Variants in PLCG1 observed in about 807,000 individuals in gnomAD.
The protein encoded by PLCG1 is 1-phosphatidylinositol 4,5-bisphosphate phosphodiesterase gamma-1.
A neutral mutation model predicts 177.8 loss-of-function variants in PLCG1; 71 were observed. That is an observed-to-expected ratio of 0.40 (90% CI 0.33 to 0.49). The LOEUF is 0.49. Among genes scored for constraint, PLCG1 ranks in the 20% least tolerant of loss-of-function variants. PLCG1 has a pLI of 0.72. For missense variants in PLCG1, 1,281 were observed against 1,709.0 expected (o/e 0.75, Z 4.42); for synonymous variants, 658 against 647.9 (o/e 1.02, Z -0.24).
rs1052120809 is a variant in PLCG1 at position 41,167,707 on chromosome 20, C to T, written c.2302-145C>T. 2.5e-5 allele frequency: 16 copies of T among 640,656 alleles called. No individual in the cohort carries two copies. The highest frequency in any genetic ancestry group is 5.1e-5 in the Admixed American group (2 of 39,332). The allele number at this position is 640,656 out of a possible 1,614,324, so 39.7% of individuals were successfully genotyped here. ...AGGCCGGGCCTGAGGCCTCTGAAGC[C>T]GTCTCTACTGAGGTCGAAGGATCCC... On this transcript the variant is annotated intron_variant, in intron 19 of 31. Coordinates refer to ENST00000685551, the MANE Select transcript of PLCG1 (RefSeq NM_002660.3). This position sits in a 1 kb window ranked among gnomAD's most constrained non-coding sequence, Gnocchi z 4.4.
At chr20:41,168,033 T>A in intron 20 of PLCG1, 104 bp downstream of exon 20, 1 of 834,962 alleles carries the variant, frequency 1.2e-6, no homozygotes, top group Non-Finnish European at 2.0e-6. Flanking sequence ...GGAGAAGTGG[T>A]GGTTGTGGTT....
Position 41,172,425 on chromosome 20 carries a change from T to C in PLCG1, c.2910T>C (p.Ile970=). Residue 970 remains isoleucine, a synonymous_variant, in exon 26 of 32, where the codon ATT becomes ATC. Transcript: ENST00000685551. The surrounding 1 kb of genome is among the most constrained non-coding windows in gnomAD (Gnocchi z 7.0). ...CRPVPFDEEK[I]GTERACYRDM... is the part of the protein sequence containing the mutation. ...TGTTTTCCCTGTTTGGCCCAGAGATTGGCACAGAACGTGCTTGCTACCGGG... is the reference window on the plus strand; with the variant it reads ...TGTTTTCCCTGTTTGGCCCAGAGATCGGCACAGAACGTGCTTGCTACCGGG... The C allele has an allele frequency of 2.5e-6, 4 of 1,613,956 alleles. No individual in the cohort carries two copies. The highest frequency in any genetic ancestry group is 3.4e-6 in the Non-Finnish European group (4 of 1,179,856).
At chr20:41,171,876 G>A (rs141027822) in intron 24 of PLCG1, among the ~76,000 whole-genome samples, 55 of 152,340 alleles carry the variant, frequency 3.6e-4, no homozygotes, top group Non-Finnish European at 1.5e-4. Context: ...TCATTTGGGA[G>A]TGTGGCCAAT....
chr20:41,138,728 T>C (rs2034704602), intron 1 of PLCG1, among the ~76,000 whole-genome samples: 1 of 151,524 alleles, frequency 6.6e-6, no homozygotes, highest in East Asian at 1.9e-4. Flanking sequence ...CGGCTTCTCT[T>C]AGTTTCCTGC....
At position 41,170,131 on chromosome 20, in the gene PLCG1, GAAC is replaced by G; in HGVS notation, c.2674_2676del (p.Asn892del). The G allele has an allele frequency of 6.2e-7, 1 of 1,613,458 alleles. No homozygotes were observed. Among genetic ancestry groups the G allele is most frequent in the Non-Finnish European group, 8.5e-7 (1 of 1,179,562 alleles). On this transcript the variant is annotated inframe_deletion, in exon 24 of 32. Coordinates refer to ENST00000685551, the MANE Select transcript of PLCG1 (RefSeq NM_002660.3). ...TCCCAGCCATCCGTCCTGAGGGCAA[GAAC>G]AACCGGCTCTTCGTCTTCTCCATCA...
At position 41,157,496 on chromosome 20, in the gene PLCG1, C is replaced by G. The variant is rs1467390336; in HGVS notation, c.218-2110C>G. Among the ~76,000 whole-genome samples, 2 of 152,134 alleles carry G rather than the reference C, an allele frequency of 1.3e-5. No individual in the cohort carries two copies. Among genetic ancestry groups the G allele is most frequent in the South Asian group, 2.1e-4 (1 of 4,818 alleles). ...AACTGTTCATTTTTGTTCCCCATCCCTATTTGGTTTTCCCTCCTTCTGCCT... is the reference window on the plus strand; with the variant it reads ...AACTGTTCATTTTTGTTCCCCATCCGTATTTGGTTTTCCCTCCTTCTGCCT... On this transcript the variant is annotated intron_variant, in intron 1 of 31. Transcript: ENST00000685551. The surrounding 1 kb of genome is among the most constrained non-coding windows in gnomAD (Gnocchi z 5.4).
At position 41,174,563 on chromosome 20, in the gene PLCG1, C is replaced by T. The variant is rs375923042; in HGVS notation, c.*54C>T. 286 of 1,500,536 alleles carry T rather than the reference C, an allele frequency of 1.9e-4. No homozygotes were observed. The African/African-American group carries it at 3.1e-3, about 16-fold the overall frequency. 93.0% of individuals were successfully genotyped at this position (1,500,536 alleles called of 1,614,324 possible). On this transcript the variant is annotated 3_prime_UTR_variant, in exon 32 of 32. Coordinates refer to ENST00000685551, the MANE Select transcript of PLCG1 (RefSeq NM_002660.3). The surrounding 1 kb of genome is among the most constrained non-coding windows in gnomAD (Gnocchi z 5.8). ...AGGTGCTGTGCGCCTTGTAGAATGC[C>T]GCGAACTGGGTTCTTTGGAAGCAGC... is the stretch of plus-strand genomic sequence containing the variant.
Position 41,137,559 on chromosome 20 carries a change from T to TCAGCCC in PLCG1, c.-80_-75dup, listed in dbSNP as rs1330841932. ...GTCCCGCTCGTCTGCCGCCTCAGCC[T>TCAGCCC]CAGCCCCAACCTCAGCCGCCGCCGT... On this transcript the variant is annotated 5_prime_UTR_variant, in exon 1 of 32. Transcript: ENST00000685551. This position sits in a 1 kb window ranked among gnomAD's most constrained non-coding sequence, Gnocchi z 7.3. 14 of 788,942 alleles carry TCAGCCC rather than the reference T, an allele frequency of 1.8e-5. No individual in the cohort carries two copies. The highest frequency in any genetic ancestry group is 2.4e-5 in the Non-Finnish European group (14 of 588,014). 48.9% of individuals were successfully genotyped at this position (788,942 alleles called of 1,614,324 possible). A position where few individuals can be genotyped will look rare whatever the true frequency, so the allele number is the denominator to read the frequency against.
Position 41,162,940 on chromosome 20 carries a change from A to C in PLCG1, c.682-18A>C, listed in dbSNP as rs779019485. 11 of 1,613,164 alleles carry C rather than the reference A, an allele frequency of 6.8e-6. No individual in the cohort carries two copies. The South Asian group carries it at 1.2e-4, about 18-fold the overall frequency. On this transcript the variant is annotated intron_variant, in intron 6 of 31. Coordinates refer to ENST00000685551, the MANE Select transcript of PLCG1 (RefSeq NM_002660.3). ...GCCTCCCAGGGGTCTTGCCCTGACC[A>C]GGTTCTGTTTCCTGCAGATGGACCT...
intron 1 of PLCG1, among the ~76,000 whole-genome samples, chr20:41,154,733 C>G (rs1290943808): frequency 1.3e-5 from 2 of 152,206 alleles, no homozygotes. Flanking sequence ...AGGTTCCAGA[C>G]TGGCTGCCCG....
chr20:41,165,515 T>C lies in PLCG1; in HGVS notation c.1575T>C (p.Ser525=), dbSNP rs377246110. ...SKIYYSEETS[S]DQGNEDEEEP... is the part of the protein sequence containing the mutation. The stretch of plus-strand genomic sequence containing the variant: ...TCTACTACTCTGAGGAGACCAGCAG[T>C]GACCAGGGCAACGAGGATGAGGAGG... The change falls in exon 15 of 32, where the codon AGT becomes AGC. Residue 525 remains serine (S), a synonymous_variant. Coordinates refer to ENST00000685551, the MANE Select transcript of PLCG1 (RefSeq NM_002660.3). The surrounding 1 kb of genome is among the most constrained non-coding windows in gnomAD (Gnocchi z 6.6). 1 of 1,613,858 alleles carries C rather than the reference T, an allele frequency of 6.2e-7. No individual in the cohort carries two copies. Among genetic ancestry groups the C allele is most frequent in the Non-Finnish European group, 8.5e-7 (1 of 1,179,938 alleles).
Position 41,174,619 on chromosome 20 carries a change from C to G in PLCG1, c.*110C>G. 1.1e-6 allele frequency: 1 copy of G among 908,192 alleles called. No homozygotes were observed. Among genetic ancestry groups the G allele is most frequent in the African/African-American group, 1.7e-5 (1 of 60,548 alleles). 56.3% of individuals were successfully genotyped at this position (908,192 alleles called of 1,614,324 possible). On this transcript the variant is annotated 3_prime_UTR_variant, in exon 32 of 32. Coordinates refer to ENST00000685551, the MANE Select transcript of PLCG1 (RefSeq NM_002660.3). This position sits in a 1 kb window ranked among gnomAD's most constrained non-coding sequence, Gnocchi z 5.8. The stretch of plus-strand genomic sequence containing the variant: ...GTGGCGGCCTTCCGGGTCTCGCAGC[C>G]TGAAGCCTGGATTCCAGCAGTGAAT...
At chr20:41,140,784 T>C (rs1200298177) in intron 1 of PLCG1, among the ~76,000 whole-genome samples, 1 of 152,174 alleles carries the variant, frequency 6.6e-6, no homozygotes, top group Non-Finnish European at 1.5e-5. Flanking sequence ...ATGAATAAAA[T>C]GCAGTTATGT....
At position 41,169,057 on chromosome 20, in the gene PLCG1, C is replaced by T. The variant is rs545076040; in HGVS notation, c.2484-22C>T. ...GGAGTTCGGGGTGGTTGCTGGAGGT[C>T]AGCACCCTGTGGCTCCCACAGGTGG... On this transcript the variant is annotated intron_variant, in intron 21 of 31. Transcript: ENST00000685551. The T allele has an allele frequency of 6.3e-5, 101 of 1,593,354 alleles. 1 individual carries two copies. In the South Asian group the frequency reaches 1.1e-3, roughly 17 times the overall value.
Position 41,163,318 on chromosome 20 carries a change from G to T in PLCG1, c.789+43G>T, listed in dbSNP as rs760282922. ...TTGGCCCAGGCTGGTAGGTTGTGGGGGGCTGGGCTCATCCCTGACTGGAGG... is the reference window on the plus strand; with the variant it reads ...TTGGCCCAGGCTGGTAGGTTGTGGGTGGCTGGGCTCATCCCTGACTGGAGG... On this transcript the variant is annotated intron_variant, in intron 8 of 31. Transcript: ENST00000685551. This position sits in a 1 kb window ranked among gnomAD's most constrained non-coding sequence, Gnocchi z 5.2. 6.3e-7 allele frequency: 1 copy of T among 1,597,366 alleles called. No homozygotes were observed. Among genetic ancestry groups the T allele is most frequent in the Non-Finnish European group, 8.6e-7 (1 of 1,167,630 alleles).
At chr20:41,169,973 G>A (rs2035839152) in intron 23 of PLCG1, 139 bp from the exon 24 acceptor site, 2 of 764,066 alleles carry the variant, frequency 2.6e-6, no homozygotes, top group Non-Finnish European at 4.3e-6. Flanking sequence ...GGCCAGCAGA[G>A]TAGTCCTTCC....
chr20:41,169,268 GCAC>G, intron 22 of PLCG1, 93 bp downstream of exon 22: 1 of 1,027,372 alleles, frequency 9.7e-7, no homozygotes, highest in Non-Finnish European at 1.5e-6. Flanking sequence ...GCACGTGCAT[GCAC>G]AGACACCTGT....
chr20:41,171,845 G>A (rs1038682751), intron 24 of PLCG1, among the ~76,000 whole-genome samples: 6 of 152,204 alleles, frequency 3.9e-5, no homozygotes, highest in Admixed American at 6.5e-5. Context: ...ATGAGGCTGG[G>A]TAATAAATGG....
At chr20:41,141,965 T>G (rs763338788) in intron 1 of PLCG1, among the ~76,000 whole-genome samples, 6 of 152,240 alleles carry the variant, frequency 3.9e-5, no homozygotes, top group African/African-American at 4.8e-5. Flanking sequence ...CTTCTTGGAA[T>G]GAGGCACATT....
Sources: gnomAD v4.1 joint callset for allele counts (sites outside exome capture counted in the v4.1 genomes callset) on GRCh38, gnomAD v4.1.1 for gene constraint, Gnocchi (gnomAD v3.1) non-coding constraint, MANE v1.5 for transcripts, NCBI Gene and HGNC (gene_info 2026-07-23, HGNC 2026-07-21) for gene names.